The following ATXN1 variants were observed in gnomAD, a reference collection of about 807,000 sequenced individuals.
The protein encoded by ATXN1 is ataxin-1.
Under a neutral mutation model 56.4 loss-of-function variants are expected in ATXN1, and 8 were observed. The observed-to-expected ratio is 0.14, with a 90% confidence interval of 0.08 to 0.26. The LOEUF (loss-of-function observed/expected upper bound fraction) is 0.26, where lower values mean the gene tolerates loss of function less well. ATXN1 is among the 10% of genes least tolerant of loss of function. The probability of loss-of-function intolerance (pLI) is 1.00; values close to 1 mark genes in which losing one functional copy is unlikely to be tolerated. For missense variants in ATXN1, 987 were observed against 1,106.5 expected, an observed-to-expected ratio of 0.89 and a Z score of 1.53; for synonymous variants, 514 against 494.6, an observed-to-expected ratio of 1.04 and a Z score of -0.52.
At chr6:16,401,215 G>C (rs1490649843) in intron 6 of ATXN1, among the ~76,000 whole-genome samples, 3 of 152,162 alleles carry the variant, frequency 2.0e-5, no homozygotes, top group African/African-American at 7.2e-5. Flanking sequence ...AGCGAGGGTT[G>C]GCAAGACTTG....
At chr6:16,345,106 T>C (rs553721801) in intron 6 of ATXN1, among the ~76,000 whole-genome samples, 2 of 152,230 alleles carry the variant, frequency 1.3e-5, no homozygotes, top group Non-Finnish European at 2.9e-5. Flanking sequence ...AGGCAAAGGA[T>C]TTCTGGATCA....
chr6:16,546,774 C>T (rs1008621342), intron 4 of ATXN1, among the ~76,000 whole-genome samples: 10 of 152,114 alleles, frequency 6.6e-5, no homozygotes, highest in African/African-American at 2.4e-4. Flanking sequence ...AGATGACTTC[C>T]GTGAGGTGAG....
intron 3 of ATXN1, among the ~76,000 whole-genome samples, chr6:16,656,344 G>A (rs550324509): frequency 2.4e-4 from 36 of 152,260 alleles, no homozygotes; most frequent in Admixed American, 2.1e-3. Context: ...TAAATTTGCA[G>A]GAGACCTTGG....
chr6:16,647,646 A>T (rs1450595417), intron 3 of ATXN1, among the ~76,000 whole-genome samples: 1 of 152,230 alleles, frequency 6.6e-6, no homozygotes, highest in African/African-American at 2.4e-5. Context: ...TGTTCTCACC[A>T]TGCAAGAAAA....
chr6:16,380,654 T>C (rs1758082759), intron 6 of ATXN1, among the ~76,000 whole-genome samples: 1 of 152,118 alleles, frequency 6.6e-6, no homozygotes, highest in Non-Finnish European at 1.5e-5. Context: ...TGCACAGGCT[T>C]GTAGGCCATA....
In ATXN1 at chr6:16,730,482, A is replaced by AGTAT. The variant is rs766987927; in HGVS notation, c.-615+22747_-615+22750dup. Among the ~76,000 whole-genome samples the AGTAT allele has an allele frequency of 3.1e-3, 260 of 84,960 alleles. 8 individuals are homozygous for AGTAT. Among genetic ancestry groups the AGTAT allele is most frequent in the Admixed American group, 6.8e-3 (67 of 9,798 alleles). 55.7% of individuals were successfully genotyped at this position (84,960 alleles called of 152,430 possible). On this transcript the variant is annotated intron_variant, in intron 2 of 7. Coordinates refer to ENST00000436367, the MANE Select transcript of ATXN1 (RefSeq NM_001128164.2). ...GCTTTCTGGAGTTAAAGGGTAAAAC[A>AGTAT]GTATGTATATATATATATATATATA...
At chr6:16,666,489 G>T (rs1297830560) in intron 2 of ATXN1, 1 of 162,900 alleles carries the variant, frequency 6.1e-6, no homozygotes, top group Admixed American at 6.5e-5. Context: ...CTTTCTTCTG[G>T]ATATATACAT....
intron 6 of ATXN1, among the ~76,000 whole-genome samples, chr6:16,482,436 C>T (rs567177333): frequency 7.9e-5 from 12 of 152,168 alleles, no homozygotes; most frequent in African/African-American, 2.9e-4. Flanking sequence ...ACACAGAAGG[C>T]TAGAGGACTG....
intron 4 of ATXN1, among the ~76,000 whole-genome samples, chr6:16,541,717 G>A (rs1246894489): frequency 6.6e-6 from 1 of 152,192 alleles, no homozygotes; most frequent in South Asian, 2.1e-4. Context: ...ATCAGAGGAG[G>A]CAGAAAGCCC....
chr6:16,635,745 G>A (rs1387288298), intron 3 of ATXN1, among the ~76,000 whole-genome samples: 1 of 152,212 alleles, frequency 6.6e-6, no homozygotes, highest in Non-Finnish European at 1.5e-5. Context: ...GCTTCAGAAG[G>A]AGAAGGAAAA....
intron 3 of ATXN1, among the ~76,000 whole-genome samples, chr6:16,627,428 C>T (rs753906995): frequency 2.6e-5 from 4 of 152,098 alleles, no homozygotes; most frequent in Non-Finnish European, 5.9e-5. Context: ...CCCAACATCC[C>T]ATTAAAGACA....
intron 3 of ATXN1, among the ~76,000 whole-genome samples, chr6:16,593,936 A>T (rs1165445454): frequency 6.7e-6 from 1 of 148,380 alleles, no homozygotes; most frequent in Non-Finnish European, 1.5e-5. Flanking sequence ...ATAGAAGCTA[A>T]TACATATATT....
At chr6:16,557,234 C>T (rs534071913) in intron 4 of ATXN1, among the ~76,000 whole-genome samples, 81 of 144,422 alleles carry the variant, frequency 5.6e-4, no homozygotes, top group Non-Finnish European at 1.1e-3. Context: ...GGCTAAGGCA[C>T]AAGAATCGCT....
intron 7 of ATXN1, among the ~76,000 whole-genome samples, chr6:16,307,279 TATC>T (rs1162253289): frequency 6.6e-6 from 1 of 152,206 alleles, no homozygotes; most frequent in African/African-American, 2.4e-5. Context: ...CAACTGCTAT[TATC>T]ATACAGGACA....
chr6:16,365,983 T>C (rs1016994116), intron 6 of ATXN1, among the ~76,000 whole-genome samples: 6 of 152,220 alleles, frequency 3.9e-5, no homozygotes, highest in Non-Finnish European at 7.3e-5. Flanking sequence ...AATTTTTTTC[T>C]GCTTACTTCT....
intron 1 of ATXN1, among the ~76,000 whole-genome samples, chr6:16,758,244 T>C (rs149686780): frequency 8.5e-5 from 13 of 152,340 alleles, no homozygotes; most frequent in Non-Finnish European, 1.3e-4. Flanking sequence ...GCCATCGCTA[T>C]GGGCAATGGA....
At chr6:16,345,953 T>TA (rs879282276) in intron 6 of ATXN1, among the ~76,000 whole-genome samples, 11 of 151,324 alleles carry the variant, frequency 7.3e-5, no homozygotes, top group Non-Finnish European at 1.3e-4. Flanking sequence ...ATTCATTCAA[T>TA]AAAAAAAAAT....
chr6:16,726,636 G>A (rs554958483), intron 2 of ATXN1, among the ~76,000 whole-genome samples: 4 of 151,720 alleles, frequency 2.6e-5, no homozygotes, highest in Admixed American at 2.6e-4. Context: ...AGGCCGAGGC[G>A]GGTGGATCAC....
chr6:16,739,460 C>T (rs1047936780), intron 2 of ATXN1: 1 of 188,744 alleles, frequency 5.3e-6, no homozygotes, highest in Non-Finnish European at 1.2e-5. Context: ...GCCTCTACTC[C>T]AGGTCATCCC....
Sources: gnomAD v4.1 joint callset for allele counts (sites outside exome capture counted in the v4.1 genomes callset) on GRCh38, gnomAD v4.1.1 for gene constraint, MANE v1.5 for transcripts, NCBI Gene and HGNC (gene_info 2026-07-23, HGNC 2026-07-21) for gene names.